Variants in DTX2 observed in about 807,000 individuals in gnomAD.
The protein encoded by DTX2 is deltex E3 ubiquitin ligase 2, also known as probable E3 ubiquitin-protein ligase DTX2.
Under a neutral mutation model 55.3 loss-of-function variants are expected in DTX2, and 29 were observed. The observed-to-expected ratio is 0.52, with a 90% CI of 0.39 to 0.71. The LOEUF is 0.71. Ranked by LOEUF, DTX2 falls within the 30% of genes least tolerant of loss-of-function variation. The pLI is 0.00. For synonymous variants in DTX2, 276 were observed against 340.4 expected (o/e 0.81, Z 2.08); for missense variants, 537 against 822.5 (o/e 0.65, Z 4.25).
chr7:76,499,367 C>T (rs1811377643), intron 6 of DTX2, among the ~76,000 whole-genome samples: 1 of 145,420 alleles, frequency 6.9e-6, no homozygotes, highest in African/African-American at 2.6e-5. Context: ...CTCCAGCCTC[C>T]ACCCCACCAC....
At chr7:76,503,167 C>G (rs1344456643) in intron 8 of DTX2, among the ~76,000 whole-genome samples, 2 of 152,238 alleles carry the variant, frequency 1.3e-5, no homozygotes, top group Non-Finnish European at 2.9e-5. Flanking sequence ...GTGGAGATTT[C>G]TGCTCAGGAT....
chr7:76,478,414 ATTTTTTT>A (rs559041165), intron 2 of DTX2, among the ~76,000 whole-genome samples: 4 of 120,450 alleles, frequency 3.3e-5, no homozygotes, highest in Non-Finnish European at 5.0e-5. Flanking sequence ...ATCAGCTCTG[ATTTTTTT>A]TTTTTTTTTT....
At chr7:76,499,350 G>C (rs552396260) in intron 6 of DTX2, among the ~76,000 whole-genome samples, 4 of 143,050 alleles carry the variant, frequency 2.8e-5, no homozygotes, top group Non-Finnish European at 6.1e-5. Flanking sequence ...TAAACAAACC[G>C]TGCCGACTCC....
At chr7:76,468,832 G>C (rs1638096) in intron 2 of DTX2, among the ~76,000 whole-genome samples, 1 of 129,584 alleles carries the variant, frequency 7.7e-6, no homozygotes, top group African/African-American at 3.1e-5. Context: ...GCACAGTCTC[G>C]GCTCACTGCA....
chr7:76,482,094 A>T (rs113440354), intron 3 of DTX2, among the ~76,000 whole-genome samples: 1 of 152,110 alleles, frequency 6.6e-6, no homozygotes, highest in Non-Finnish European at 1.5e-5. Context: ...TGTGAAGTCA[A>T]CTGAGAAAGA....
At chr7:76,467,900 A>G in intron 2 of DTX2, among the ~76,000 whole-genome samples, 1 of 152,276 alleles carries the variant, frequency 6.6e-6, no homozygotes, top group Non-Finnish European at 1.5e-5. Context: ...TGGGGGACGA[A>G]GGGCATGAAA....
chr7:76,504,660 C>T (rs1486459425), intron 10 of DTX2, among the ~76,000 whole-genome samples: 3 of 152,300 alleles, frequency 2.0e-5, no homozygotes, highest in African/African-American at 7.2e-5. Flanking sequence ...CACCTTCCAG[C>T]ACCCTGCCGG....
Position 76,482,578 on chromosome 7 carries a change from G to A in DTX2, c.339G>A (p.Glu113=). Residue 113 remains glutamate (E), a synonymous_variant, in exon 4 of 11, where the codon GAG becomes GAA. Coordinates refer to ENST00000430490, the MANE Select transcript of DTX2 (RefSeq NM_001102594.3). ...HSAPGRGVVW[E]WLSDDGSWTA... ...CCCCTGGCCGAGGTGTCGTCTGGGAGTGGCTGAGCGACGATGGCTCCTGGA... is the reference window on the plus strand; with the variant it reads ...CCCCTGGCCGAGGTGTCGTCTGGGAATGGCTGAGCGACGATGGCTCCTGGA... The A allele has an allele frequency of 1.2e-6, 2 of 1,613,692 alleles. No homozygotes were observed. Among genetic ancestry groups the A allele is most frequent in the Non-Finnish European group, 1.7e-6 (2 of 1,179,710 alleles).
At position 76,502,284 on chromosome 7, in the gene DTX2, T is replaced by C. The variant is rs1350125217; in HGVS notation, c.1231-14T>C. ...CACTGTTGGCGAGCATGACCCATGT[T>C]TGGTCTCCTCCAGGACTGCATCATC... On this transcript the variant is annotated splice_polypyrimidine_tract_variant and intron_variant, in intron 7 of 10. Coordinates refer to ENST00000430490, the MANE Select transcript of DTX2 (RefSeq NM_001102594.3). The C allele has an allele frequency of 6.3e-7, 1 of 1,593,162 alleles. No homozygotes were observed. The highest frequency in any genetic ancestry group is 1.1e-5 in the South Asian group (1 of 90,382).
Position 76,499,721 on chromosome 7 carries a change from C to T in DTX2, c.1151-720C>T, listed in dbSNP as rs1811426099. 5.1e-5 allele frequency: 9 copies of T among 175,512 alleles called. 1 individual carries two copies. The South Asian group carries it at 9.6e-4, about 19-fold the overall frequency. The allele number at this position is 175,512 out of a possible 1,614,324, so 10.9% of individuals were successfully genotyped here. On this transcript the variant is annotated intron_variant, in intron 6 of 10. Transcript: ENST00000430490. ...CCGATCCTCACCAGCTCAGGAGCTT[C>T]TTGTCCGTAGGAGAGGCTTTACTGG... is the stretch of plus-strand genomic sequence containing the variant.
chr7:76,484,616 C>T (rs1304098724), intron 4 of DTX2, among the ~76,000 whole-genome samples: 5 of 150,364 alleles, frequency 3.3e-5, no homozygotes, highest in Non-Finnish European at 5.9e-5. Context: ...TCTCCTTTCT[C>T]CGCACTGGCC....
At position 76,480,559 on chromosome 7, in the gene DTX2, C is replaced by A. The variant is rs775816588; in HGVS notation, c.50C>A (p.Ala17Glu). 6.2e-7 allele frequency: 1 copy of A among 1,612,282 alleles called. No individual in the cohort carries two copies. Among genetic ancestry groups the A allele is most frequent in the Non-Finnish European group, 8.5e-7 (1 of 1,179,946 alleles). ...PSLVQVYTSP[A>E]AVAVWEWQDG... ...CTGGTGCAGGTGTACACCAGCCCCGCGGCTGTGGCCGTGTGGGAATGGCAG... is the reference window on the plus strand; with the variant it reads ...CTGGTGCAGGTGTACACCAGCCCCGAGGCTGTGGCCGTGTGGGAATGGCAG... The change falls in exon 3 of 11, where the codon GCG becomes GAG. Residue 17 changes from alanine to glutamate, a missense_variant. Physicochemically the swap from Ala to Glu is moderately radical, Grantham distance 107. Around this residue, in one of 7 missense-constraint regions of DTX2, gnomAD observed 301 missense variants for 396.6 expected, o/e 0.76. Coordinates refer to ENST00000430490, the MANE Select transcript of DTX2 (RefSeq NM_001102594.3).
rs763999026 is a variant in DTX2 at position 76,505,545 on chromosome 7, G to C, written c.1813G>C (p.Val605Leu). ...TCCCGACCCCAACTACCTGCAGAAC[G>C]TGCTGGCTGAGCTGGCTGCCCAGGG... ...GYPDPNYLQNVLAELAAQGVT... is the reference protein window; with the variant it reads ...GYPDPNYLQNLLAELAAQGVT... Residue 605 changes from valine to leucine, a missense_variant, in exon 11 of 11, where the codon GTG becomes CTG. Around this residue, in one of 7 missense-constraint regions of DTX2, gnomAD observed 59 missense variants for 54.1 expected, o/e 1.09. Transcript: ENST00000430490. This position sits in a 1 kb window ranked among gnomAD's most constrained non-coding sequence, Gnocchi z 4.4. 3.1e-6 allele frequency: 5 copies of C among 1,607,378 alleles called. No homozygotes were observed. The highest frequency in any genetic ancestry group is 1.7e-5 in the Admixed American group (1 of 59,370).
intron 2 of DTX2, chr7:76,474,633 C>T (rs554845846): frequency 3.9e-5 from 6 of 152,112 alleles, no homozygotes; most frequent in East Asian, 1.9e-4. Context: ...AGCCGTGGCT[C>T]AGTATGAGTT....
At position 76,502,380 on chromosome 7, in the gene DTX2, C is replaced by A; in HGVS notation, c.1313C>A (p.Ala438Asp). The A allele has an allele frequency of 6.2e-7, 1 of 1,612,642 alleles. No individual in the cohort carries two copies. The highest frequency in any genetic ancestry group is 8.5e-7 in the Non-Finnish European group (1 of 1,179,914). ...VTDSKAIGSL[A>D]VGHLTKCSHA... ...GACAGCAAGGCAATCGGGTCCCTAG[C>A]TGTGGGCCACCTCACCAAGTGCAGC... The change falls in exon 8 of 11, where the codon GCT becomes GAT. Residue 438 changes from alanine (A) to aspartate (D), a missense_variant. By Grantham distance (126) the Ala-to-Asp change is moderately radical (BLOSUM62 -2). Around this residue, in one of 7 missense-constraint regions of DTX2, gnomAD observed 121 missense variants for 136.8 expected, o/e 0.88. Coordinates refer to ENST00000430490, the MANE Select transcript of DTX2 (RefSeq NM_001102594.3).
chr7:76,484,235 T>C (rs1809649651), intron 4 of DTX2, among the ~76,000 whole-genome samples: 1 of 110,668 alleles, frequency 9.0e-6, no homozygotes, highest in Admixed American at 1.0e-4. Flanking sequence ...TCCCAGCTAC[T>C]TGGAAGGCTG....
At chr7:76,466,801 T>G (rs1807237640) in intron 2 of DTX2, among the ~76,000 whole-genome samples, 1 of 152,236 alleles carries the variant, frequency 6.6e-6, no homozygotes. Context: ...TTTCTCCATG[T>G]TAGTCAGACT....
intron 2 of DTX2, chr7:76,470,874 A>C: frequency 4.0e-6 from 2 of 498,250 alleles, no homozygotes; most frequent in Non-Finnish European, 6.9e-6. Context: ...AGCTTGCAGC[A>C]GTTGCGCATA....
At chr7:76,465,138 C>T (rs1277650381) in intron 2 of DTX2, among the ~76,000 whole-genome samples, 1 of 147,302 alleles carries the variant, frequency 6.8e-6, no homozygotes, top group Non-Finnish European at 1.5e-5. Flanking sequence ...CTGGGCACAT[C>T]CAGGCATCGT....
Sources: allele counts gnomAD v4.1 joint callset (sites outside exome capture counted in the v4.1 genomes callset), GRCh38; gene constraint gnomAD v4.1.1; regional missense constraint gnomAD v4.1.1; non-coding constraint Gnocchi (gnomAD v3.1); transcripts MANE v1.5; gene names NCBI Gene and HGNC (gene_info 2026-07-23, HGNC 2026-07-21).